The following MACF1 variants were observed in gnomAD, a reference collection of about 807,000 sequenced individuals.
MACF1 encodes microtubule-actin cross-linking factor 1.
MACF1 carries 193 observed loss-of-function variants against 854.8 expected under a neutral mutation model. The observed-to-expected ratio is 0.23, with a 90% CI of 0.20 to 0.25. The LOEUF (loss-of-function observed/expected upper bound fraction) is 0.25. MACF1 is among the 10% of genes least tolerant of loss of function. The pLI, the probability that MACF1 is intolerant of heterozygous loss-of-function variation, is 1.00. For synonymous variants in MACF1, 3,185 were observed against 3,226.7 expected (o/e 0.99, Z 0.44); for missense variants, 7,722 against 8,929.1 (o/e 0.86, Z 5.45).
intron 41 of MACF1, 100 bp from the exon 42 acceptor site, chr1:39,349,378 C>A (rs1647128280): frequency 7.8e-7 from 1 of 1,277,672 alleles, no homozygotes; most frequent in Non-Finnish European, 1.1e-6. Context: ...ACTTTTCCAT[C>A]CTTGAGATAT....
At chr1:39,378,401 C>T in intron 52 of MACF1, 60 bp from the exon 53 acceptor site, 4 of 1,230,368 alleles carry the variant, frequency 3.3e-6, no homozygotes, top group South Asian at 2.4e-5. Context: ...AAATTCAGTG[C>T]CTATATGTAT....
At chr1:39,410,949 T>C (rs374778203) in intron 58 of MACF1, 201 of 1,613,852 alleles carry the variant, frequency 1.2e-4, no homozygotes, top group Non-Finnish European at 1.5e-4. Flanking sequence ...GTGCAAACCC[T>C]CCTCATGAAT....
chr1:39,091,342 T>C (rs1302230967), intron 2 of MACF1, among the ~76,000 whole-genome samples: 1 of 152,216 alleles, frequency 6.6e-6, no homozygotes, highest in Non-Finnish European at 1.5e-5. Context: ...CACTTGCTAA[T>C]TGGGTGACCC....
intron 1 of MACF1, among the ~76,000 whole-genome samples, chr1:39,224,181 T>C (rs541338139): frequency 3.9e-5 from 6 of 152,092 alleles, no homozygotes; most frequent in African/African-American, 7.2e-5. Flanking sequence ...GACATCCCCC[T>C]ACTCCCCCCC....
upstream of MACF1, among the ~76,000 whole-genome samples, chr1:39,202,307 C>A (rs557221819): frequency 2.3e-4 from 35 of 150,428 alleles, no homozygotes; most frequent in Non-Finnish European, 4.3e-4. Context: ...ATTAGACGAG[C>A]CTTCTCTGAC....
chr1:39,230,320 TC>T (rs1310041990), intron 1 of MACF1, among the ~76,000 whole-genome samples: 6 of 152,084 alleles, frequency 3.9e-5, no homozygotes, highest in African/African-American at 1.4e-4. Context: ...AACCAAGTCA[TC>T]GGGGAAGGCT....
At chr1:39,265,911 C>T (rs78803445) in intron 6 of MACF1, among the ~76,000 whole-genome samples, 3,632 of 152,246 alleles carry the variant, frequency 0.024, 110 homozygotes, top group East Asian at 0.16. Context: ...TGTCTACAAT[C>T]CCAGTAAGTA....
intron 71 of MACF1, among the ~76,000 whole-genome samples, 165 bp downstream of exon 71, chr1:39,438,173 A>G (rs1374278687): frequency 6.6e-6 from 1 of 152,210 alleles, no homozygotes; most frequent in African/African-American, 2.4e-5. Context: ...TTCAGAACAC[A>G]TTTCGCCATT....
At chr1:39,461,039 G>A (rs1474605950) in intron 92 of MACF1, among the ~76,000 whole-genome samples, 1 of 149,744 alleles carries the variant, frequency 6.7e-6, no homozygotes, top group African/African-American at 2.5e-5. Flanking sequence ...AGCTGTAATC[G>A]TGCCAGTGAA....
chr1:39,137,888 A>T (rs1170280289), intron 2 of MACF1, among the ~76,000 whole-genome samples: 1 of 151,946 alleles, frequency 6.6e-6, no homozygotes, highest in African/African-American at 2.4e-5. Context: ...AGCCTGGCCA[A>T]CATGGAGAAA....
Position 39,436,465 on chromosome 1 carries a change from C to T in MACF1, c.17988+704C>T, listed in dbSNP as rs570520031. The stretch of plus-strand genomic sequence containing the variant: ...CGTCACATTTCATTGTTGTGTTGAC[C>T]GCGCCCACCATTACAGATTACAGAG... On this transcript the variant is annotated intron_variant, in intron 70 of 100. Transcript: ENST00000564288. The T allele has an allele frequency of 1.1e-4, 171 of 1,613,722 alleles. 2 individuals are homozygous for T. In the South Asian group the frequency reaches 1.5e-3, roughly 14 times the overall value.
intron 23 of MACF1, 83 bp from the exon 24 acceptor site, chr1:39,309,487 G>C (rs768898282): frequency 6.6e-7 from 1 of 1,523,488 alleles, no homozygotes; most frequent in Admixed American, 1.8e-5. Flanking sequence ...TTCTGCTAAG[G>C]CAATCACATT....
At chr1:39,200,516 T>C (rs1380201745), upstream of MACF1, among the ~76,000 whole-genome samples, 2 of 151,724 alleles carry the variant, frequency 1.3e-5, no homozygotes, top group African/African-American at 4.8e-5. Context: ...CTGCCCAACA[T>C]GGCAAAACCG....
Position 39,349,507 on chromosome 1 carries a change from C to T in MACF1, c.10845C>T (p.His3615=), listed in dbSNP as rs753554677. 3 of 1,613,966 alleles carry T rather than the reference C, an allele frequency of 1.9e-6. No homozygotes were observed. The highest frequency in any genetic ancestry group is 1.7e-5 in the Admixed American group (1 of 59,974). Residue 3615 remains histidine (H), a synonymous_variant, in exon 42 of 101, where the codon CAC becomes CAT. Transcript: ENST00000564288. ...KTLQKQQNTC[H]QQLEDLCSWV... ...TGCAGAAACAACAAAATACCTGTCACCAGCAACTGGAGGATCTTTGCAGTT... is the reference window on the plus strand; with the variant it reads ...TGCAGAAACAACAAAATACCTGTCATCAGCAACTGGAGGATCTTTGCAGTT...
intron 6 of MACF1, chr1:39,260,371 T>TC (rs1033975061): frequency 6.6e-6 from 1 of 151,556 alleles, no homozygotes; most frequent in African/African-American, 2.4e-5. Context: ...TCTTTTCTTT[T>TC]TTTTTTTTTT....
At chr1:39,337,380 C>T in intron 38 of MACF1, 49 bp downstream of exon 38, 2 of 1,587,394 alleles carry the variant, frequency 1.3e-6, no homozygotes, top group Non-Finnish European at 8.6e-7. Context: ...AAGATAGCTG[C>T]CTCCATCTTC....
chr1:39,418,155 C>T, intron 58 of MACF1, among the ~76,000 whole-genome samples: 1 of 151,994 alleles, frequency 6.6e-6, no homozygotes, highest in East Asian at 1.9e-4. Flanking sequence ...TGTGTTGGGG[C>T]TGAGGGAGTT....
chr1:39,307,901 C>CTTTCTTTCT (rs1222230255), intron 23 of MACF1, among the ~76,000 whole-genome samples: 2 of 50,394 alleles, frequency 4.0e-5, no homozygotes, highest in African/African-American at 7.6e-5. Context: ...TTCTTTCTTT[C>CTTTCTTTCT]TTTTTTTTTT....
At chr1:39,217,954 C>T (rs1306699162) in intron 1 of MACF1, among the ~76,000 whole-genome samples, 1 of 150,474 alleles carries the variant, frequency 6.6e-6, no homozygotes, top group Non-Finnish European at 1.5e-5. Context: ...GAGGCCGAGG[C>T]GGGCGGATCA....
Sources: gnomAD v4.1 joint callset for allele counts (sites outside exome capture counted in the v4.1 genomes callset) on GRCh38, gnomAD v4.1.1 for gene constraint, MANE v1.5 for transcripts, NCBI Gene and HGNC (gene_info 2026-07-23, HGNC 2026-07-21) for gene names.